SPICE1: variants seen among roughly 807,000 people sequenced by gnomAD.
SPICE1 encodes the protein spindle and centriole-associated protein 1.
A neutral mutation model predicts 102.7 loss-of-function variants in SPICE1; 75 were observed. The ratio of observed to expected loss-of-function variants is 0.73; its 90% CI spans 0.61 to 0.88. The LOEUF (loss-of-function observed/expected upper bound fraction) is 0.88, where lower values mean the gene tolerates loss of function less well. Ranked by LOEUF, SPICE1 falls within the 40% of genes least tolerant of loss-of-function variation. The pLI, the probability that SPICE1 is intolerant of heterozygous loss-of-function variation, is 0.00. For missense variants in SPICE1, 979 were observed against 1,020.1 expected (o/e 0.96, Z 0.55); for synonymous variants, 308 against 350.3 (o/e 0.88, Z 1.35).
At chr3:113,510,743 T>A (rs893241351) in intron 1 of SPICE1, among the ~76,000 whole-genome samples, 1 of 152,046 alleles carries the variant, frequency 6.6e-6, no homozygotes, top group Admixed American at 6.6e-5. Flanking sequence ...AAAGCAATTG[T>A]AACGAAAGCA....
At chr3:113,496,059 C>CTTTTT (rs10557473) in intron 4 of SPICE1, among the ~76,000 whole-genome samples, 4 of 82,926 alleles carry the variant, frequency 4.8e-5, no homozygotes, top group Non-Finnish European at 9.1e-5. Context: ...TTTTTTACAA[C>CTTTTT]TTTTTTTTTT....
At chr3:113,466,702 AATGT>A (rs1488723868) in intron 10 of SPICE1, among the ~76,000 whole-genome samples, 1 of 152,150 alleles carries the variant, frequency 6.6e-6, no homozygotes, top group Non-Finnish European at 1.5e-5. Context: ...AGGGTGAAAG[AATGT>A]TAAGGTTTTA....
chr3:113,478,252 A>G (rs1032248711), intron 7 of SPICE1, among the ~76,000 whole-genome samples: 6 of 152,184 alleles, frequency 3.9e-5, no homozygotes, highest in Non-Finnish European at 8.8e-5. Context: ...TAAAAGAAGA[A>G]TATTTCCAAA....
chr3:113,477,121 A>T (rs1405879008), intron 7 of SPICE1, among the ~76,000 whole-genome samples: 2 of 151,924 alleles, frequency 1.3e-5, no homozygotes, highest in South Asian at 2.1e-4. Context: ...AAAAGTGGGC[A>T]AAGGACATGA....
At position 113,446,717 on chromosome 3, in the gene SPICE1, CATT is replaced by C. The variant is rs749706480; in HGVS notation, c.2427-44_2427-42del. 30 of 1,445,232 alleles carry C rather than the reference CATT, an allele frequency of 2.1e-5. No individual in the cohort carries two copies. The East Asian group carries it at 6.9e-4, about 33-fold the overall frequency. The allele number at this position is 1,445,232 out of a possible 1,614,324, so 89.5% of individuals were successfully genotyped here. On this transcript the variant is annotated intron_variant, in intron 16 of 17. Coordinates refer to ENST00000295872, the MANE Select transcript of SPICE1 (RefSeq NM_144718.4). The stretch of plus-strand genomic sequence containing the variant: ...AAAACAGAGTAAGAGAGTGAGCTAT[CATT>C]ATTAACCTTAAAAGATTATGCAAAC...
chr3:113,480,005 TAAAG>T (rs1936453991), intron 7 of SPICE1, among the ~76,000 whole-genome samples: 1 of 152,024 alleles, frequency 6.6e-6, no homozygotes, highest in South Asian at 2.1e-4. Flanking sequence ...AACCTAATTT[TAAAG>T]AAAGAGAACC....
At chr3:113,482,718 A>C (rs1936541472) in intron 7 of SPICE1, among the ~76,000 whole-genome samples, 1 of 152,030 alleles carries the variant, frequency 6.6e-6, no homozygotes, top group Non-Finnish European at 1.5e-5. Context: ...ATGGTTGTAG[A>C]TGTGTGGTGT....
In SPICE1 at chr3:113,477,312, G is replaced by A. The variant is rs1187558858; in HGVS notation, c.612-8074C>T. 6.4e-3 allele frequency among the ~76,000 whole-genome samples: 975 copies of A among 151,812 alleles called. 4 individuals carry two copies. Among genetic ancestry groups the A allele is most frequent in the Non-Finnish European group, 9.4e-3 (638 of 67,832 alleles). On this transcript the variant is annotated intron_variant, in intron 7 of 17. Coordinates refer to ENST00000295872, the MANE Select transcript of SPICE1 (RefSeq NM_144718.4). ...CAGGTGCTGGAGAGGATGTGGAGAA[G>A]TAGGAACACTTTTACACTGTTGGTG... is the stretch of plus-strand genomic sequence containing the variant.
intron 14 of SPICE1, among the ~76,000 whole-genome samples, chr3:113,452,886 G>C (rs1179029162): frequency 6.6e-6 from 1 of 152,108 alleles, no homozygotes; most frequent in African/African-American, 2.4e-5. Context: ...GCTGAGGCAG[G>C]AGAATCACTT....
At chr3:113,456,781 T>G (rs1430249636) in intron 13 of SPICE1, among the ~76,000 whole-genome samples, 1 of 152,198 alleles carries the variant, frequency 6.6e-6, no homozygotes, top group African/African-American at 2.4e-5. Context: ...TAGTCTAACT[T>G]TCATTACTCT....
At chr3:113,510,827 G>C (rs1245271090) in intron 1 of SPICE1, among the ~76,000 whole-genome samples, 1 of 152,096 alleles carries the variant, frequency 6.6e-6, no homozygotes, top group Non-Finnish European at 1.5e-5. Flanking sequence ...AGAGCAAACA[G>C]ACAACCTACA....
chr3:113,504,587 A>AT (rs1222626512), intron 2 of SPICE1, among the ~76,000 whole-genome samples: 2 of 151,572 alleles, frequency 1.3e-5, no homozygotes, highest in African/African-American at 4.8e-5. Context: ...AAAAAAAAAA[A>AT]AAAAAAAGGG....
Position 113,450,353 on chromosome 3 carries a change from G to A in SPICE1, c.2306C>T (p.Pro769Leu), listed in dbSNP as rs766106345. The change falls in exon 15 of 18, where the codon CCT becomes CTT. Residue 769 changes from proline (P) to leucine (L), a missense_variant. Coordinates refer to ENST00000295872, the MANE Select transcript of SPICE1 (RefSeq NM_144718.4). Reference sequence around the variant, plus strand: ...TGACCAACCAGTCCATGCTCTGAGAGGTAACTGAACAGGTGACATTGGTGG... The same window carrying A: ...TGACCAACCAGTCCATGCTCTGAGAAGTAACTGAACAGGTGACATTGGTGG... ...LSPPMSPVQL[P>L]LRAWTEGAKR... 15 of 1,613,958 alleles carry A rather than the reference G, an allele frequency of 9.3e-6. No individual in the cohort carries two copies. The African/African-American group carries it at 1.6e-4, about 17-fold the overall frequency.
intron 2 of SPICE1, among the ~76,000 whole-genome samples, chr3:113,503,703 T>C (rs1231801638): frequency 6.6e-6 from 1 of 151,738 alleles, no homozygotes; most frequent in Non-Finnish European, 1.5e-5. Flanking sequence ...GAGGCTGAGG[T>C]GGGTGGACCA....
chr3:113,472,190 C>T (rs962979583), intron 7 of SPICE1, among the ~76,000 whole-genome samples: 1 of 152,226 alleles, frequency 6.6e-6, no homozygotes, highest in African/African-American at 2.4e-5. Flanking sequence ...GCTAGCACAG[C>T]AGTCTGAGAT....
rs144713060 is a variant in SPICE1, at chr3:113,465,701, A to G, written c.1239T>C (p.Ala413=). Residue 413 remains alanine (A), a synonymous_variant, in exon 11 of 18, where the codon GCT becomes GCC. Coordinates refer to ENST00000295872, the MANE Select transcript of SPICE1 (RefSeq NM_144718.4). The stretch of plus-strand genomic sequence containing the variant: ...TAAGACGAAGAATTTCAGCTGTCAG[A>G]GCATCAATGAGCTCTCGATGATCAC... The part of the protein sequence containing the change: ...VLGDHRELID[A]LTAEILRLRE... The G allele has an allele frequency of 2.4e-4, 385 of 1,613,850 alleles. 2 individuals are homozygous for G. The highest frequency in any genetic ancestry group is 3.6e-4 in the South Asian group (33 of 91,066).
intron 4 of SPICE1, among the ~76,000 whole-genome samples, chr3:113,496,974 C>T (rs1487931263): frequency 6.6e-6 from 1 of 152,216 alleles, no homozygotes; most frequent in Non-Finnish European, 1.5e-5. Flanking sequence ...ACTGACAGTA[C>T]TACTTAAGTA....
intron 1 of SPICE1, among the ~76,000 whole-genome samples, chr3:113,512,909 CAAGTAAACT>C (rs946506348): frequency 6.6e-6 from 1 of 152,122 alleles, no homozygotes; most frequent in Non-Finnish European, 1.5e-5. Flanking sequence ...TACAAGTAAA[CAAGTAAACT>C]AAGTAAACTA....
At chr3:113,462,277 A>G (rs1015092898) in intron 11 of SPICE1, among the ~76,000 whole-genome samples, 1 of 152,158 alleles carries the variant, frequency 6.6e-6, no homozygotes, top group African/African-American at 2.4e-5. Flanking sequence ...ACTGTTCCCA[A>G]ACTGTTTGCT....
Sources: allele counts gnomAD v4.1 joint callset (sites outside exome capture counted in the v4.1 genomes callset), GRCh38; gene constraint gnomAD v4.1.1; transcripts MANE v1.5; gene names NCBI Gene and HGNC (gene_info 2026-07-23, HGNC 2026-07-21).